Variants in GRID2 observed in about 807,000 individuals in gnomAD.
GRID2 encodes glutamate receptor ionotropic, delta-2.
Under a neutral mutation model 114.8 loss-of-function variants are expected in GRID2, and 33 were observed. The observed-to-expected ratio is 0.29, with a 90% CI of 0.22 to 0.38. GRID2 has a LOEUF of 0.38. GRID2 is among the 10% of genes least tolerant of loss of function. The pLI is 1.00. For missense variants in GRID2, 1,184 were observed against 1,257.7 expected (o/e 0.94, Z 0.89); for synonymous variants, 505 against 449.9 (o/e 1.12, Z -1.55).
intron 2 of GRID2, among the ~76,000 whole-genome samples, chr4:92,785,281 T>G (rs1739264749): frequency 6.6e-6 from 1 of 151,522 alleles, no homozygotes; most frequent in Non-Finnish European, 1.5e-5. Flanking sequence ...AGCCACAATA[T>G]TAAAATATTC....
intron 2 of GRID2, among the ~76,000 whole-genome samples, chr4:92,904,192 G>A (rs1042536565): frequency 1.5e-4 from 22 of 150,950 alleles, no homozygotes; most frequent in Non-Finnish European, 2.4e-4. Flanking sequence ...TTAATGTATG[G>A]CCTTTTTTCA....
At chr4:93,728,222 T>G (rs915200464) in intron 14 of GRID2, among the ~76,000 whole-genome samples, 5 of 152,238 alleles carry the variant, frequency 3.3e-5, no homozygotes, top group African/African-American at 1.2e-4. Flanking sequence ...CATCTTTATT[T>G]CTGCCTTCGT....
chr4:92,949,118 A>G (rs564687555), intron 2 of GRID2, among the ~76,000 whole-genome samples: 6 of 151,500 alleles, frequency 4.0e-5, no homozygotes, highest in East Asian at 1.9e-4. Context: ...TTGTTATACA[A>G]TTAGACAAAG....
Position 93,772,264 on chromosome 4 carries a change from A to G in GRID2, c.2790A>G (p.Thr930=), listed in dbSNP as rs1343477623. 6.2e-7 allele frequency: 1 copy of G among 1,614,078 alleles called. No homozygotes were observed. Residue 930 remains threonine (T), a synonymous_variant, in exon 16 of 16, where the codon ACA becomes ACG. Transcript: ENST00000282020. ...SDFRNTHITT[T]TFIPEQIQTL... ...TCAGGAACACTCATATTACCACAAC[A>G]ACCTTTATCCCAGAGCAGATCCAGA...
chr4:92,990,452 G>T (rs1437724084), intron 2 of GRID2, among the ~76,000 whole-genome samples: 1 of 151,538 alleles, frequency 6.6e-6, no homozygotes, highest in African/African-American at 2.4e-5. Context: ...TGGGATTACA[G>T]GTGCACGCCA....
At chr4:92,675,477 A>T (rs182002233) in intron 2 of GRID2, among the ~76,000 whole-genome samples, 2 of 150,750 alleles carry the variant, frequency 1.3e-5, no homozygotes, top group African/African-American at 4.9e-5. Flanking sequence ...GGCCACAGGG[A>T]CTCCAAACTC....
intron 2 of GRID2, among the ~76,000 whole-genome samples, chr4:93,029,840 A>G (rs1308631166): frequency 6.6e-6 from 1 of 152,222 alleles, no homozygotes; most frequent in Non-Finnish European, 1.5e-5. Flanking sequence ...TCAAAAGAAA[A>G]TGTTTAGGTA....
At chr4:93,021,255 C>T (rs1362887360) in intron 2 of GRID2, among the ~76,000 whole-genome samples, 1 of 151,468 alleles carries the variant, frequency 6.6e-6, no homozygotes, top group Non-Finnish European at 1.5e-5. Flanking sequence ...TCTTTGTAAG[C>T]ATTCCAGAAA....
chr4:92,799,332 G>A (rs1286844061), intron 2 of GRID2, among the ~76,000 whole-genome samples: 1 of 151,920 alleles, frequency 6.6e-6, no homozygotes, highest in Non-Finnish European at 1.5e-5. Flanking sequence ...GAGCCCAGGC[G>A]ATAATACTGG....
intron 1 of GRID2, among the ~76,000 whole-genome samples, chr4:92,384,307 C>T (rs748987615): frequency 3.4e-5 from 5 of 146,554 alleles, no homozygotes; most frequent in Non-Finnish European, 6.0e-5. Flanking sequence ...GCCACAAGAG[C>T]CCTTTATGTG....
intron 1 of GRID2, among the ~76,000 whole-genome samples, chr4:93,800,620 T>C (rs1300477672): frequency 6.6e-6 from 1 of 152,208 alleles, no homozygotes; most frequent in African/African-American, 2.4e-5. Flanking sequence ...TTCACTGTTA[T>C]CAAAAAGTTT....
chr4:92,563,101 T>C (rs1047644786), intron 1 of GRID2, among the ~76,000 whole-genome samples: 2 of 152,170 alleles, frequency 1.3e-5, no homozygotes, highest in Non-Finnish European at 1.5e-5. Flanking sequence ...GTGGAGTAAC[T>C]ATTATCAGAG....
intron 8 of GRID2, among the ~76,000 whole-genome samples, chr4:93,247,113 C>T (rs150478438): frequency 6.6e-6 from 1 of 152,230 alleles, no homozygotes; most frequent in East Asian, 1.9e-4. Flanking sequence ...ATCATGCCAA[C>T]CTCTCCAGTG....
intron 2 of GRID2, among the ~76,000 whole-genome samples, chr4:92,815,115 TCTTAA>T (rs1344025680): frequency 6.6e-6 from 1 of 152,160 alleles, no homozygotes; most frequent in Non-Finnish European, 1.5e-5. Flanking sequence ...AGAAATACAT[TCTTAA>T]CTTTCCTTTT....
chr4:93,613,148 G>C (rs967267058), intron 13 of GRID2, among the ~76,000 whole-genome samples: 8 of 148,782 alleles, frequency 5.4e-5, no homozygotes, highest in Admixed American at 1.3e-4. Context: ...CTCGAGCCTT[G>C]GTTTTCAGGT....
At chr4:93,395,763 ATTTC>A in intron 9 of GRID2, 55 bp downstream of exon 9, 1 of 763,862 alleles carries the variant, frequency 1.3e-6, no homozygotes, top group Admixed American at 2.0e-5. Flanking sequence ...TTTATCCTAT[ATTTC>A]TTTCTTTATT....
chr4:93,133,677 G>A (rs1734996935), intron 4 of GRID2, among the ~76,000 whole-genome samples: 2 of 151,944 alleles, frequency 1.3e-5, no homozygotes, highest in Admixed American at 6.6e-5. Context: ...GCAGATGCTG[G>A]GCACATTGTA....
chr4:92,783,879 ACTCT>A (rs143053204), intron 2 of GRID2, among the ~76,000 whole-genome samples: 6,173 of 151,216 alleles, frequency 0.041, 172 homozygotes, highest in Middle Eastern at 0.15. Context: ...AGAGTGAAAC[ACTCT>A]CTCTAATTAA....
At chr4:93,137,806 A>C (rs1342906503) in intron 4 of GRID2, among the ~76,000 whole-genome samples, 1 of 152,040 alleles carries the variant, frequency 6.6e-6, no homozygotes, top group Non-Finnish European at 1.5e-5. Context: ...TATATTTTAC[A>C]TTTATCTACC....
Sources: allele counts gnomAD v4.1 joint callset (sites outside exome capture counted in the v4.1 genomes callset), GRCh38; gene constraint gnomAD v4.1.1; transcripts MANE v1.5; gene names NCBI Gene and HGNC (gene_info 2026-07-23, HGNC 2026-07-21).